SNAPC3: variants seen among roughly 807,000 people sequenced by gnomAD.
SNAPC3 encodes the protein snRNA-activating protein complex subunit 3.
A neutral mutation model predicts 47.7 loss-of-function variants in SNAPC3; 56 were observed. That is an observed-to-expected ratio of 1.18 (90% CI 0.95 to 1.47). The LOEUF (loss-of-function observed/expected upper bound fraction) is 1.47, where lower values mean the gene tolerates loss of function less well. Ranked by LOEUF, SNAPC3 falls within the 40% of genes most tolerant of loss-of-function variation. SNAPC3 has a pLI of 0.00. For synonymous variants in SNAPC3, 235 were observed against 189.9 expected, an observed-to-expected ratio of 1.24 and a Z score of -1.95; for missense variants, 665 against 511.3, an observed-to-expected ratio of 1.30 and a Z score of -2.90.
intron 3 of SNAPC3, among the ~76,000 whole-genome samples, chr9:15,436,492 C>T (rs1182896393): frequency 6.6e-6 from 1 of 152,174 alleles, no homozygotes; most frequent in East Asian, 1.9e-4. Context: ...TTCATTGTTA[C>T]ATTCTATCGG....
intron 7 of SNAPC3, 174 bp downstream of exon 7, chr9:15,453,379 C>T (rs932668822): frequency 2.1e-5 from 11 of 520,286 alleles, no homozygotes; most frequent in Middle Eastern, 5.0e-4. Context: ...CTCTTTCCAT[C>T]CATTTGCATC....
At position 15,461,477 on chromosome 9, in the gene SNAPC3, A is replaced by C. The variant is rs1228675230; in HGVS notation, c.*1611A>C. The stretch of plus-strand genomic sequence containing the variant: ...GCGCCCAGCAAAATAAACTTTCTTT[A>C]TTTTCAGGTCTAGACCATCAGATAG... On this transcript the variant is annotated 3_prime_UTR_variant, in exon 9 of 9. Coordinates refer to ENST00000380821, the MANE Select transcript of SNAPC3 (RefSeq NM_001039697.2). 1 of 152,174 alleles carries C rather than the reference A, an allele frequency of 6.6e-6. No individual in the cohort carries two copies. The highest frequency in any genetic ancestry group is 2.4e-5 in the African/African-American group (1 of 41,438). 9.4% of individuals were successfully genotyped at this position (152,174 alleles called of 1,614,324 possible).
At chr9:15,455,398 C>A (rs1563854248) in intron 7 of SNAPC3, among the ~76,000 whole-genome samples, 1 of 152,128 alleles carries the variant, frequency 6.6e-6, no homozygotes, top group Non-Finnish European at 1.5e-5. Context: ...GAAATCCTGT[C>A]TCTACTAAAA....
chr9:15,451,584 C>T (rs1319125608), intron 6 of SNAPC3, among the ~76,000 whole-genome samples, 182 bp downstream of exon 6: 1 of 152,086 alleles, frequency 6.6e-6, no homozygotes, highest in Non-Finnish European at 1.5e-5. Flanking sequence ...CCAGCCACTC[C>T]GGAGGCTGAG....
intron 7 of SNAPC3, 111 bp downstream of exon 7, chr9:15,453,316 C>A: frequency 1.2e-6 from 1 of 817,672 alleles, no homozygotes; most frequent in Non-Finnish European, 1.9e-6. Flanking sequence ...ATAACCATTG[C>A]AACTTGGCTT....
At position 15,460,123 on chromosome 9, in the gene SNAPC3, T is replaced by C. The variant is rs2035094753; in HGVS notation, c.*257T>C. On this transcript the variant is annotated 3_prime_UTR_variant, in exon 9 of 9. Coordinates refer to ENST00000380821, the MANE Select transcript of SNAPC3 (RefSeq NM_001039697.2). The stretch of plus-strand genomic sequence containing the variant: ...CATTTTGAGTTGAGTTGTAGTACTT[T>C]ATATATTCTGACTTTAAATCCTTTG... 1 of 267,972 alleles carries C rather than the reference T, an allele frequency of 3.7e-6. No individual in the cohort carries two copies. Among genetic ancestry groups the C allele is most frequent in the Admixed American group, 5.3e-5 (1 of 18,932 alleles). The allele number at this position is 267,972 out of a possible 1,614,324, so 16.6% of individuals were successfully genotyped here. A position where few individuals can be genotyped will look rare whatever the true frequency, so the allele number is the denominator to read the frequency against.
At chr9:15,441,783 A>G (rs1244047734) in intron 3 of SNAPC3, among the ~76,000 whole-genome samples, 4 of 152,160 alleles carry the variant, frequency 2.6e-5, no homozygotes, top group Non-Finnish European at 4.4e-5. Flanking sequence ...GGAATCTCCT[A>G]TGTCTACTTC....
rs574917051 is a variant in SNAPC3, at chr9:15,435,948, A to ATGC, written c.477+2314_477+2316dup. ...AACCTCCATCTCCCAGGTTCAAGTG[A>ATGC]TGCTTCTGCATCTGCCTCCCAAGTG... On this transcript the variant is annotated intron_variant, in intron 3 of 8. Coordinates refer to ENST00000380821, the MANE Select transcript of SNAPC3 (RefSeq NM_001039697.2). Among the ~76,000 whole-genome samples the ATGC allele has an allele frequency of 2.0e-3, 292 of 147,890 alleles. 1 individual carries two copies. The highest frequency in any genetic ancestry group is 7.2e-3 in the African/African-American group (286 of 39,998).
At chr9:15,435,923 A>C (rs2032756443) in intron 3 of SNAPC3, among the ~76,000 whole-genome samples, 1 of 140,028 alleles carries the variant, frequency 7.1e-6, no homozygotes, top group Non-Finnish European at 1.5e-5. Flanking sequence ...AGCTCACTGC[A>C]ACCTCCATCT....
At chr9:15,435,179 CTTT>C (rs2032638882) in intron 3 of SNAPC3, among the ~76,000 whole-genome samples, 1 of 152,038 alleles carries the variant, frequency 6.6e-6, no homozygotes, top group Admixed American at 6.6e-5. Context: ...TGCTGAACAT[CTTT>C]TTATTTGGTT....
Position 15,448,654 on chromosome 9 carries a change from A to G in SNAPC3, c.732+1410A>G, listed in dbSNP as rs367882442. 5.3e-5 allele frequency among the ~76,000 whole-genome samples: 8 copies of G among 152,330 alleles called. No individual in the cohort carries two copies. In the East Asian group the frequency reaches 9.7e-4, roughly 18 times the overall value. On this transcript the variant is annotated intron_variant, in intron 5 of 8. Transcript: ENST00000380821. ...GTGTGGAGACTAGCATATGGCTCAC[A>G]TGTAGATTTCACTTAAGTACCTGTT...
At chr9:15,442,272 G>A (rs1378480901) in intron 3 of SNAPC3, among the ~76,000 whole-genome samples, 1 of 150,356 alleles carries the variant, frequency 6.7e-6, no homozygotes, top group African/African-American at 2.4e-5. Flanking sequence ...CCTCCTGGAT[G>A]GGGCGGCTGG....
intron 3 of SNAPC3, among the ~76,000 whole-genome samples, chr9:15,435,600 A>T (rs142857601): frequency 0.041 from 6,122 of 151,046 alleles, 135 homozygotes; most frequent in South Asian, 0.072. Flanking sequence ...GCGTGGTGGC[A>T]GGCGCCTGTA....
Position 15,460,305 on chromosome 9 carries a change from G to A in SNAPC3, c.*439G>A, listed in dbSNP as rs1254021559. On this transcript the variant is annotated 3_prime_UTR_variant, in exon 9 of 9. Coordinates refer to ENST00000380821, the MANE Select transcript of SNAPC3 (RefSeq NM_001039697.2). ...TGAGAGCTACACCTTCTACCATGAG[G>A]CTTCCAAGGTAAAGATCCTTCAAAT... 1 of 152,624 alleles carries A rather than the reference G, an allele frequency of 6.6e-6. No individual in the cohort carries two copies. Among genetic ancestry groups the A allele is most frequent in the East Asian group, 1.9e-4 (1 of 5,200 alleles). 9.5% of individuals were successfully genotyped at this position (152,624 alleles called of 1,614,324 possible).
intron 2 of SNAPC3, among the ~76,000 whole-genome samples, chr9:15,429,077 A>C (rs777150949): frequency 6.6e-6 from 1 of 152,252 alleles, no homozygotes; most frequent in Non-Finnish European, 1.5e-5. Context: ...TTTCAGAGAT[A>C]AAGATGAAAT....
At chr9:15,458,626 A>G (rs1165604670) in intron 8 of SNAPC3, among the ~76,000 whole-genome samples, 2 of 152,168 alleles carry the variant, frequency 1.3e-5, no homozygotes, top group South Asian at 4.1e-4. Flanking sequence ...GTGATTCTAC[A>G]TGTTTAGATT....
intron 1 of SNAPC3, among the ~76,000 whole-genome samples, chr9:15,423,524 T>C (rs1474852302): frequency 6.6e-6 from 1 of 152,124 alleles, no homozygotes; most frequent in African/African-American, 2.4e-5. Context: ...GACAGACACT[T>C]TGACAATGGA....
chr9:15,427,412 A>G (rs531362512), intron 2 of SNAPC3, among the ~76,000 whole-genome samples: 41 of 152,326 alleles, frequency 2.7e-4, no homozygotes, highest in African/African-American at 9.6e-4. Flanking sequence ...GCAGTGGCTC[A>G]ATCTCTCCTC....
chr9:15,429,662 A>G (rs2031888493), intron 2 of SNAPC3, among the ~76,000 whole-genome samples: 1 of 152,212 alleles, frequency 6.6e-6, no homozygotes, highest in Admixed American at 6.5e-5. Flanking sequence ...ACTCCCCCTC[A>G]ATTTCTAAAA....
Sources: allele counts gnomAD v4.1 joint callset (sites outside exome capture counted in the v4.1 genomes callset), GRCh38; gene constraint gnomAD v4.1.1; transcripts MANE v1.5; gene names NCBI Gene and HGNC (gene_info 2026-07-23, HGNC 2026-07-21).